CCDC197: variants seen among roughly 807,000 people sequenced by gnomAD.
CCDC197 encodes the protein uncharacterized protein CCDC197.
In CCDC197, 24 loss-of-function variants were observed where a neutral mutation model predicts 13.4. That is an observed-to-expected ratio of 1.80 (90% CI 1.30 to 2.53). The LOEUF (loss-of-function observed/expected upper bound fraction) is 2.53. CCDC197 is among the 30% of genes most tolerant of loss of function. CCDC197 has a pLI of 0.00. For synonymous variants in CCDC197, 99 were observed against 55.5 expected, an observed-to-expected ratio of 1.78 and a Z score of -3.48; for missense variants, 255 against 148.8, an observed-to-expected ratio of 1.71 and a Z score of -3.71.
At chr14:94,000,946 G>A in intron 3 of CCDC197, 199 bp from the exon 4 acceptor site, 1 of 421,932 alleles carries the variant, frequency 2.4e-6, no homozygotes, top group South Asian at 4.5e-5. Context: ...GGATTCCCTT[G>A]AAGTGGAGGG....
At position 93,999,675 on chromosome 14, in the gene CCDC197, C is replaced by T. The variant is rs1890432730; in HGVS notation, c.187+10C>T. On this transcript the variant is annotated intron_variant, in intron 3 of 6. Coordinates refer to ENST00000636493, the MANE Select transcript of CCDC197 (RefSeq NM_001351596.2). ...GAGAAAATCCCCGAGGGTATGTACA[C>T]AGCTTCCTCGGAAAGCCCTTTCTCT... is the stretch of plus-strand genomic sequence containing the variant. The T allele has an allele frequency of 1.3e-6, 1 of 780,890 alleles. No individual in the cohort carries two copies. 48.4% of individuals were successfully genotyped at this position (780,890 alleles called of 1,614,324 possible). A position where few individuals can be genotyped will look rare whatever the true frequency, so the allele number is the denominator to read the frequency against.
At chr14:93,988,152 G>A (rs796273885) in intron 1 of CCDC197, among the ~76,000 whole-genome samples, 1 of 124,310 alleles carries the variant, frequency 8.0e-6, no homozygotes, top group African/African-American at 3.1e-5. Context: ...GGGGAGTCTA[G>A]AAGGAGGAGT....
At chr14:94,001,515 A>G in intron 4 of CCDC197, 192 bp downstream of exon 4, 2 of 523,168 alleles carry the variant, frequency 3.8e-6, no homozygotes, top group Admixed American at 3.6e-5. Context: ...CCTGAGGCTC[A>G]GCTCGTGCCT....
intron 4 of CCDC197, among the ~76,000 whole-genome samples, chr14:94,001,908 C>A (rs1429719866): frequency 6.6e-6 from 1 of 152,158 alleles, no homozygotes; most frequent in African/African-American, 2.4e-5. Context: ...GATGACCAGC[C>A]GGTTGGTTCA....
chr14:93,998,297 G>T (rs1890383964), intron 2 of CCDC197, 62 bp downstream of exon 2: 2 of 741,412 alleles, frequency 2.7e-6, no homozygotes, highest in East Asian at 5.1e-5. Flanking sequence ...GGGCTAAGTG[G>T]CTGGACTTAG....
intron 6 of CCDC197, among the ~76,000 whole-genome samples, chr14:94,006,587 C>T (rs1365948867): frequency 1.3e-5 from 2 of 151,998 alleles, no homozygotes; most frequent in Non-Finnish European, 2.9e-5. Context: ...GAACTCCTGA[C>T]CTCAAGTGAT....
At chr14:93,990,924 T>C (rs996414034) in intron 1 of CCDC197, among the ~76,000 whole-genome samples, 1 of 152,192 alleles carries the variant, frequency 6.6e-6, no homozygotes, top group African/African-American at 2.4e-5. Flanking sequence ...GTAATATTGC[T>C]AATCTCATTT....
At chr14:94,000,880 G>T (rs1378154275) in intron 3 of CCDC197, 1 of 359,468 alleles carries the variant, frequency 2.8e-6, no homozygotes, top group African/African-American at 2.1e-5. Flanking sequence ...CGCCTCGCTC[G>T]GTGGTCTTGA....
downstream of CCDC197, chr14:94,008,882 C>G (rs963597414): frequency 3.2e-5 from 21 of 652,912 alleles, no homozygotes; most frequent in Middle Eastern, 6.9e-4. Flanking sequence ...TTTCTCACCA[C>G]CAACATCTCT....
Position 94,008,796 on chromosome 14 carries a change from G to A in CCDC197, c.803G>A (p.Cys268Tyr). 1 of 702,460 alleles carries A rather than the reference G, an allele frequency of 1.4e-6. No homozygotes were observed. Among genetic ancestry groups the A allele is most frequent in the South Asian group, 1.5e-5 (1 of 67,584 alleles). 43.5% of individuals were successfully genotyped at this position (702,460 alleles called of 1,614,324 possible). Reference protein sequence around the residue: ...TPFPSPHASECSGLY With the variant: ...TPFPSPHASEYSGLY ...TTTCCCAGCCCCCATGCTTCAGAGTGCTCCGGCCTGTACTGACCAGCCTGC... is the reference window on the plus strand; with the variant it reads ...TTTCCCAGCCCCCATGCTTCAGAGTACTCCGGCCTGTACTGACCAGCCTGC... The change falls in exon 7 of 7, where the codon TGC (cysteine) becomes TAC (tyrosine). Residue 268 changes from cysteine to tyrosine, a missense_variant. Coordinates refer to ENST00000636493, the MANE Select transcript of CCDC197 (RefSeq NM_001351596.2).
intron 1 of CCDC197, among the ~76,000 whole-genome samples, chr14:93,988,247 A>G (rs1595345744): frequency 2.7e-5 from 1 of 37,112 alleles, no homozygotes; most frequent in Non-Finnish European, 4.9e-5. Context: ...AGGGGATGAG[A>G]GAGGGGATGG....
At position 94,004,959 on chromosome 14, in the gene CCDC197, C is replaced by T. The variant is rs1423389283; in HGVS notation, c.603C>T (p.Leu201=). Residue 201 remains leucine (L), a synonymous_variant, in exon 6 of 7, where the codon CTC becomes CTT. Coordinates refer to ENST00000636493, the MANE Select transcript of CCDC197 (RefSeq NM_001351596.2). ...AGAGCATGGATCTCTTCTCCAAGCT[C>T]GATCTGATTAAGGTAAGGATAGACA... ...VPKSMDLFSK[L]DLIKEFMLDK... is the part of the protein sequence containing the mutation. 1.6e-5 allele frequency: 11 copies of T among 702,684 alleles called. No homozygotes were observed. The East Asian group carries it at 1.9e-4, about 12-fold the overall frequency. 43.5% of individuals were successfully genotyped at this position (702,684 alleles called of 1,614,324 possible). A position where few individuals can be genotyped will look rare whatever the true frequency, so the allele number is the denominator to read the frequency against.
At chr14:93,990,130 G>GGTTCTA (rs1890182551) in intron 1 of CCDC197, among the ~76,000 whole-genome samples, 1 of 152,164 alleles carries the variant, frequency 6.6e-6, no homozygotes, top group Non-Finnish European at 1.5e-5. Context: ...TTAGACCCGT[G>GGTTCTA]GGTAATCTTC....
At chr14:93,987,845 G>T (rs1345395253) in intron 1 of CCDC197, among the ~76,000 whole-genome samples, 3 of 150,892 alleles carry the variant, frequency 2.0e-5, no homozygotes, top group Non-Finnish European at 4.4e-5. Context: ...AATGCCATGA[G>T]CCCTGCTAAG....
chr14:93,991,848 C>T (rs952075393), intron 1 of CCDC197, among the ~76,000 whole-genome samples: 3 of 152,154 alleles, frequency 2.0e-5, no homozygotes, highest in Admixed American at 6.6e-5. Context: ...AAAGGCCCTG[C>T]GGCCAGGAAG....
intron 4 of CCDC197, among the ~76,000 whole-genome samples, chr14:94,002,873 T>G (rs1489503348): frequency 1.5e-5 from 2 of 133,396 alleles, no homozygotes; most frequent in African/African-American, 5.6e-5. Flanking sequence ...AAAAACAAAA[T>G]TATAAAGAAA....
chr14:94,006,312 T>A (rs1890676998), intron 6 of CCDC197, among the ~76,000 whole-genome samples: 1 of 152,174 alleles, frequency 6.6e-6, no homozygotes, highest in Non-Finnish European at 1.5e-5. Context: ...TTTGGAGAAA[T>A]GTCTATTCAA....
chr14:93,987,241 C>T (rs1024637640), exon 1 of CCDC197: 5 of 152,342 alleles, frequency 3.3e-5, no homozygotes, highest in East Asian at 1.9e-4. Flanking sequence ...AAATGTCTGC[C>T]GTGCCACACG....
chr14:94,009,450 G>A (rs988058142), downstream of CCDC197, among the ~76,000 whole-genome samples: 2 of 152,076 alleles, frequency 1.3e-5, no homozygotes, highest in Admixed American at 6.5e-5. Context: ...AGAGAGTGTC[G>A]GACACAGTGG....
Sources: allele counts gnomAD v4.1 joint callset (sites outside exome capture counted in the v4.1 genomes callset), GRCh38; gene constraint gnomAD v4.1.1; transcripts MANE v1.5; gene names NCBI Gene and HGNC (gene_info 2026-07-23, HGNC 2026-07-21).